The following PTMA variants were observed in gnomAD, a reference collection of about 807,000 sequenced individuals.
The protein encoded by PTMA is gene sequence 28.
PTMA carries 4 observed loss-of-function variants against 16.9 expected under a neutral mutation model. That is an observed-to-expected ratio of 0.24 (90% confidence interval 0.12 to 0.54). The LOEUF is 0.54. Ranked by LOEUF, PTMA falls within the 20% of genes least tolerant of loss-of-function variation. The pLI is 0.95. For missense variants in PTMA, 120 were observed against 137.7 expected (o/e 0.87, Z 0.64); for synonymous variants, 58 against 47.9 (o/e 1.21, Z -0.87).
chr2:231,710,026 C>T (rs2048495914), intron 1 of PTMA: 2 of 1,191,578 alleles, frequency 1.7e-6, no homozygotes, highest in Non-Finnish European at 2.1e-6. Context: ...GTCCCCAGTG[C>T]GGGGCCTGGC....
chr2:231,710,362 C>T, intron 1 of PTMA: 1 of 1,203,286 alleles, frequency 8.3e-7, no homozygotes, highest in East Asian at 3.5e-5. Flanking sequence ...CGTGCCGAGG[C>T]CCGCGCGCAA....
In PTMA at chr2:231,708,584, G is replaced by T. The variant is rs915806879; in HGVS notation, c.-123G>T. ...TTGTTCCTCATCCGCCTCCTTGCTC[G>T]CCGCAGCCGCCTCCGCCGCGCGCCT... On this transcript the variant is annotated 5_prime_UTR_variant, in exon 1 of 5. Transcript: ENST00000409115. The T allele has an allele frequency of 3.3e-6, 4 of 1,221,962 alleles. No individual in the cohort carries two copies. In the South Asian group the frequency reaches 3.7e-5, roughly 11 times the overall value. 75.7% of individuals were successfully genotyped at this position (1,221,962 alleles called of 1,614,324 possible).
rs1363826683 is a variant in PTMA at position 231,713,157 on chromosome 2, A to G, written c.*306A>G. ...ATTTTATATTTTTGTACATATTGTTAGGGTCAGCCATTTTTAATGATCTCG... is the reference window on the plus strand; with the variant it reads ...ATTTTATATTTTTGTACATATTGTTGGGGTCAGCCATTTTTAATGATCTCG... On this transcript the variant is annotated 3_prime_UTR_variant, in exon 5 of 5. Transcript: ENST00000409115. 4.5e-6 allele frequency: 2 copies of G among 448,030 alleles called. No individual in the cohort carries two copies. Among genetic ancestry groups the G allele is most frequent in the South Asian group, 3.7e-5 (2 of 54,710 alleles). The allele number at this position is 448,030 out of a possible 1,614,324, so 27.8% of individuals were successfully genotyped here. A position where few individuals can be genotyped will look rare whatever the true frequency, so the allele number is the denominator to read the frequency against.
intron 2 of PTMA, 129 bp downstream of exon 2, chr2:231,711,548 T>C (rs2048518990): frequency 2.3e-6 from 2 of 887,968 alleles, no homozygotes; most frequent in East Asian, 2.6e-5. Context: ...GGCAGTATCG[T>C]AGCCAATGAG....
rs745406342 is a variant in PTMA at position 231,711,225 on chromosome 2, A to C, written c.46-123A>C. 5.3e-4 allele frequency: 420 copies of C among 787,944 alleles called. 1 individual carries two copies. Among genetic ancestry groups the C allele is most frequent in the Non-Finnish European group, 6.5e-4 (307 of 469,728 alleles). 48.8% of individuals were successfully genotyped at this position (787,944 alleles called of 1,614,324 possible). A position where few individuals can be genotyped will look rare whatever the true frequency, so the allele number is the denominator to read the frequency against. On this transcript the variant is annotated intron_variant, in intron 1 of 4. Transcript: ENST00000409115. ...CCGCAGGGGCATCAGGCCTTTCTCA[A>C]CATGCGACTCTTAATTTGGGACGGA...
At chr2:231,709,824 C>G (rs2048493265) in intron 1 of PTMA, 2 of 200,502 alleles carry the variant, frequency 1.0e-5, no homozygotes, top group African/African-American at 4.6e-5. Context: ...TCGTCCGCGC[C>G]CGTCGTGCCC....
rs546862298 is a variant in PTMA at position 231,709,328 on chromosome 2, G to A, written c.45+577G>A. On this transcript the variant is annotated intron_variant, in intron 1 of 4. Transcript: ENST00000409115. The stretch of plus-strand genomic sequence containing the variant: ...GACGGGCTGGCTGGCCGCGACGTCG[G>A]CCGTCCCGGCGGAGGTGTGACGGGC... 1.6e-4 allele frequency among the ~76,000 whole-genome samples: 25 copies of A among 152,128 alleles called. No homozygotes were observed. In the East Asian group the frequency reaches 4.9e-3, roughly 30 times the overall value.
At chr2:231,711,813 A>G (rs934668667) in intron 2 of PTMA, 77 bp from the exon 3 acceptor site, 67 of 1,574,226 alleles carry the variant, frequency 4.3e-5, no homozygotes, top group Non-Finnish European at 5.6e-5. Flanking sequence ...CTCTGGTGGG[A>G]GGCCGGGCAT....
chr2:231,709,846 G>T (rs748912635), intron 1 of PTMA: 5 of 231,274 alleles, frequency 2.2e-5, no homozygotes, highest in Non-Finnish European at 4.1e-5. Flanking sequence ...TGCAGGGATT[G>T]GCGCGAGTCA....
rs541095679 is a variant in PTMA, at chr2:231,713,255, A to G, written c.*404A>G. On this transcript the variant is annotated 3_prime_UTR_variant, in exon 5 of 5. Coordinates refer to ENST00000409115, the MANE Select transcript of PTMA (RefSeq NM_002823.5). Reference sequence around the variant, plus strand: ...TACTTGTGGTGTGACCATGTTCATTATAATCTCAAAGGAGAAAAAAAACCT... The same window carrying G: ...TACTTGTGGTGTGACCATGTTCATTGTAATCTCAAAGGAGAAAAAAAACCT... 3 of 464,630 alleles carry G rather than the reference A, an allele frequency of 6.5e-6. No homozygotes were observed. The highest frequency in any genetic ancestry group is 2.9e-5 in the Admixed American group (1 of 35,014). 28.8% of individuals were successfully genotyped at this position (464,630 alleles called of 1,614,324 possible).
At chr2:231,710,462 G>A in intron 1 of PTMA, 2 of 1,084,200 alleles carry the variant, frequency 1.8e-6, no homozygotes, top group Non-Finnish European at 2.3e-6. Flanking sequence ...GGGCGAGAGC[G>A]GGCGGAGCCG....
Position 231,711,998 on chromosome 2 carries a change from C to T in PTMA, c.211+15C>T, listed in dbSNP as rs775434255. On this transcript the variant is annotated intron_variant, in intron 3 of 4. Coordinates refer to ENST00000409115, the MANE Select transcript of PTMA (RefSeq NM_002823.5). ...AGAAGGTGATGGTGAGTAGCCTTGT[C>T]TATCTTCCCCTTTTCAGGTACTTTT... 7 of 1,556,560 alleles carry T rather than the reference C, an allele frequency of 4.5e-6. No homozygotes were observed. The highest frequency in any genetic ancestry group is 2.4e-5 in the East Asian group (1 of 41,240).
Position 231,711,469 on chromosome 2 carries a change from T to C in PTMA, c.117+50T>C, listed in dbSNP as rs201965041. The stretch of plus-strand genomic sequence containing the variant: ...CCCTGGCAGCTACCGCCCCACAAAA[T>C]TTTTCCTGTTCTACTTTAAACATAC... On this transcript the variant is annotated intron_variant, in intron 2 of 4. Transcript: ENST00000409115. 1.9e-5 allele frequency: 30 copies of C among 1,564,898 alleles called. No homozygotes were observed. The Admixed American group carries it at 4.0e-4, about 21-fold the overall frequency.
chr2:231,712,042 G>C, intron 3 of PTMA, 59 bp downstream of exon 3: 1 of 1,547,808 alleles, frequency 6.5e-7, no homozygotes, highest in African/African-American at 1.4e-5. Context: ...TTGTCTGGCA[G>C]AAGGGGAAGG....
chr2:231,709,542 G>A (rs920473663), intron 1 of PTMA, among the ~76,000 whole-genome samples: 1 of 152,186 alleles, frequency 6.6e-6, no homozygotes, highest in Non-Finnish European at 1.5e-5. Flanking sequence ...CGCCCCCCGC[G>A]GCTGCCCGGG....
At chr2:231,710,620 A>C in intron 1 of PTMA, 1 of 472,440 alleles carries the variant, frequency 2.1e-6, no homozygotes, top group Non-Finnish European at 4.2e-6. Context: ...GGAAAAAGTT[A>C]CCGGGCGCCC....
At chr2:231,711,519 A>T in intron 2 of PTMA, 100 bp downstream of exon 2, 1 of 1,131,148 alleles carries the variant, frequency 8.8e-7, no homozygotes, top group Non-Finnish European at 1.3e-6. Flanking sequence ...GTATGTGTAT[A>T]TGTATAGCTT....
rs538669189 is a variant in PTMA at position 231,713,116 on chromosome 2, T to C, written c.*265T>C. The stretch of plus-strand genomic sequence containing the variant: ...AAGTACTTTAAAAAGGAAATTTGTT[T>C]GTATTTTTTATTTACATTTTATATT... On this transcript the variant is annotated 3_prime_UTR_variant, in exon 5 of 5. Coordinates refer to ENST00000409115, the MANE Select transcript of PTMA (RefSeq NM_002823.5). The C allele has an allele frequency of 4.2e-6, 2 of 477,650 alleles. No individual in the cohort carries two copies. The highest frequency in any genetic ancestry group is 4.7e-5 in the South Asian group (2 of 42,770). The allele number at this position is 477,650 out of a possible 1,614,324, so 29.6% of individuals were successfully genotyped here.
chr2:231,710,183 A>G, intron 1 of PTMA: 2 of 1,299,498 alleles, frequency 1.5e-6, no homozygotes, highest in South Asian at 2.6e-5. Context: ...CGCCGAATGC[A>G]GACATTCGGG....
Sources: gnomAD v4.1 joint callset for allele counts (sites outside exome capture counted in the v4.1 genomes callset) on GRCh38, gnomAD v4.1.1 for gene constraint, MANE v1.5 for transcripts, NCBI Gene and HGNC (gene_info 2026-07-23, HGNC 2026-07-21) for gene names.